The following ZRANB3 variants were observed in gnomAD, a reference collection of about 807,000 sequenced individuals.
ZRANB3 encodes DNA annealing helicase and endonuclease ZRANB3.
Under a neutral mutation model 133.8 loss-of-function variants are expected in ZRANB3, and 125 were observed. The ratio of observed to expected loss-of-function variants is 0.93; its 90% confidence interval spans 0.81 to 1.08. The LOEUF is 1.08. ZRANB3 is among the 50% of genes least tolerant of loss of function. The pLI, the probability that ZRANB3 is intolerant of heterozygous loss-of-function variation, is 0.00. For missense variants in ZRANB3, 1,229 were observed against 1,275.5 expected, an observed-to-expected ratio of 0.96 and a Z score of 0.56; for synonymous variants, 387 against 432.7, an observed-to-expected ratio of 0.89 and a Z score of 1.31.
At chr2:135,450,870 T>C (rs1690238160) in intron 2 of ZRANB3, among the ~76,000 whole-genome samples, 1 of 152,188 alleles carries the variant, frequency 6.6e-6, no homozygotes, top group African/African-American at 2.4e-5. Context: ...AAAGTTCACA[T>C]GAGAGAGATA....
intron 3 of ZRANB3, among the ~76,000 whole-genome samples, chr2:135,371,016 C>T (rs1167484275): frequency 1.3e-5 from 2 of 152,172 alleles, no homozygotes; most frequent in African/African-American, 2.4e-5. Flanking sequence ...GAGGCCTCTC[C>T]AGCCATGTGG....
Position 135,292,268 on chromosome 2 carries a change from A to T in ZRANB3, c.967-16513T>A, listed in dbSNP as rs1204516490. ...CCTCTCCAGCACCTGTTGTTTCCTG[A>T]CATTTTAATGATCGCCATTCTAACT... On this transcript the variant is annotated intron_variant, in intron 8 of 20. Transcript: ENST00000264159. 7.9e-5 allele frequency among the ~76,000 whole-genome samples: 12 copies of T among 152,238 alleles called. No individual in the cohort carries two copies. In the East Asian group the frequency reaches 2.3e-3, roughly 29 times the overall value.
chr2:135,230,737 CTT>C lies in ZRANB3; in HGVS notation c.1728_1729del (p.Arg577IlefsTer51), dbSNP rs753852455. The C allele has an allele frequency of 6.2e-7, 1 of 1,613,414 alleles. No individual in the cohort carries two copies. The highest frequency in any genetic ancestry group is 1.3e-5 in the African/African-American group (1 of 75,014). On this transcript the variant is annotated frameshift_variant, in exon 13 of 21. Transcript: ENST00000264159. LOFTEE classifies it high-confidence loss of function. ...GTCTTCCGAGGCAGCCAATTTCAAT[CTT>C]TTCGTTTCAGGTTCAACATCACTTT...
At chr2:135,204,616 CAGTG>C (rs949451750) in intron 19 of ZRANB3, among the ~76,000 whole-genome samples, 2 of 139,740 alleles carry the variant, frequency 1.4e-5, no homozygotes, top group African/African-American at 5.7e-5. Context: ...CTGGGAAACA[CAGTG>C]AGATCCCAGA....
At chr2:135,298,791 G>C (rs781554543) in intron 8 of ZRANB3, among the ~76,000 whole-genome samples, 18 of 152,200 alleles carry the variant, frequency 1.2e-4, no homozygotes, top group Non-Finnish European at 2.5e-4. Flanking sequence ...TGGTTTTCTT[G>C]AATGCTGGTT....
At chr2:135,231,820 A>T (rs750594351) in intron 12 of ZRANB3, among the ~76,000 whole-genome samples, 1 of 151,794 alleles carries the variant, frequency 6.6e-6, no homozygotes, top group Non-Finnish European at 1.5e-5. Context: ...CGGGGGATGG[A>T]GCCAAGATGG....
chr2:135,504,061 CTG>C, intron 2 of ZRANB3: 1 of 427,584 alleles, frequency 2.3e-6, no homozygotes, highest in Non-Finnish European at 4.3e-6. Flanking sequence ...TTCTAGAAAA[CTG>C]TCAATATATG....
chr2:135,302,390 G>A (rs550171502), intron 8 of ZRANB3, among the ~76,000 whole-genome samples: 4 of 152,260 alleles, frequency 2.6e-5, no homozygotes, highest in African/African-American at 9.6e-5. Flanking sequence ...TTGGCCTTCT[G>A]CTGCCATTAA....
chr2:135,216,813 C>G (rs1694330965), intron 17 of ZRANB3, among the ~76,000 whole-genome samples: 1 of 151,998 alleles, frequency 6.6e-6, no homozygotes, highest in South Asian at 2.1e-4. Flanking sequence ...TTGCTTCATG[C>G]TAAGAAAAGA....
intron 6 of ZRANB3, among the ~76,000 whole-genome samples, chr2:135,323,282 C>A (rs1683633002): frequency 6.6e-6 from 1 of 152,076 alleles, no homozygotes; most frequent in African/African-American, 2.4e-5. Context: ...AATAATAGTG[C>A]CTTGCAAATG....
chr2:135,313,886 C>A (rs1389327661), intron 7 of ZRANB3, among the ~76,000 whole-genome samples: 1 of 151,984 alleles, frequency 6.6e-6, no homozygotes, highest in Non-Finnish European at 1.5e-5. Flanking sequence ...TTTTTTGAGA[C>A]AGAGTCTCGC....
At chr2:135,490,783 T>C (rs572365148) in intron 2 of ZRANB3, among the ~76,000 whole-genome samples, 3 of 152,230 alleles carry the variant, frequency 2.0e-5, no homozygotes, top group Non-Finnish European at 4.4e-5. Flanking sequence ...GATATATATA[T>C]ACACAATGAA....
At chr2:135,429,735 A>C (rs964879285) in intron 2 of ZRANB3, among the ~76,000 whole-genome samples, 3 of 152,180 alleles carry the variant, frequency 2.0e-5, no homozygotes, top group African/African-American at 7.2e-5. Context: ...GAGATACGGG[A>C]AACGGTAGAG....
At chr2:135,404,730 C>A (rs1364916262) in intron 2 of ZRANB3, among the ~76,000 whole-genome samples, 1 of 152,172 alleles carries the variant, frequency 6.6e-6, no homozygotes, top group Non-Finnish European at 1.5e-5. Context: ...CAAAGGGAAG[C>A]CCATTAGACT....
intron 12 of ZRANB3, among the ~76,000 whole-genome samples, chr2:135,237,199 A>G (rs1200459887): frequency 3.0e-4 from 46 of 151,972 alleles, no homozygotes; most frequent in Non-Finnish European, 2.9e-5. Flanking sequence ...AATGCTCATC[A>G]TCACTGGCCA....
chr2:135,258,134 G>GT (rs528088896), intron 12 of ZRANB3, among the ~76,000 whole-genome samples: 11 of 149,500 alleles, frequency 7.4e-5, no homozygotes, highest in Admixed American at 2.0e-4. Flanking sequence ...ATTTAAGTAA[G>GT]TTTTTTTTTT....
intron 2 of ZRANB3, among the ~76,000 whole-genome samples, chr2:135,454,429 A>T (rs911427569): frequency 1.3e-5 from 2 of 151,614 alleles, no homozygotes; most frequent in African/African-American, 2.4e-5. Context: ...TAAATCTTTA[A>T]TTTTTTTTTA....
At chr2:135,286,514 G>C (rs936843406) in intron 8 of ZRANB3, among the ~76,000 whole-genome samples, 1 of 152,174 alleles carries the variant, frequency 6.6e-6, no homozygotes, top group African/African-American at 2.4e-5. Context: ...CTGGCCTCAA[G>C]TGATCTGCCT....
At chr2:135,395,442 CTTT>C (rs533900626) in intron 2 of ZRANB3, among the ~76,000 whole-genome samples, 1 of 135,980 alleles carries the variant, frequency 7.4e-6, no homozygotes, top group African/African-American at 2.7e-5. Flanking sequence ...GCAAAGATTT[CTTT>C]TTTTTTTTTT....
Sources: allele counts gnomAD v4.1 joint callset (sites outside exome capture counted in the v4.1 genomes callset), GRCh38; gene constraint gnomAD v4.1.1; transcripts MANE v1.5; gene names NCBI Gene and HGNC (gene_info 2026-07-23, HGNC 2026-07-21).